The following AGO2 variants were observed in gnomAD, a reference collection of about 807,000 sequenced individuals.
AGO2 encodes argonaute RISC catalytic component 2, also known as protein argonaute-2.
In AGO2, 5 loss-of-function variants were observed where a neutral mutation model predicts 102.3. The observed-to-expected ratio is 0.05, with a 90% CI of 0.03 to 0.10. AGO2 has a LOEUF of 0.10. Among genes scored for constraint, AGO2 ranks in the 10% least tolerant of loss-of-function variants. AGO2 has a pLI of 1.00. For synonymous variants in AGO2, 449 were observed against 473.1 expected (o/e 0.95, Z 0.66); for missense variants, 541 against 1,183.7 (o/e 0.46, Z 7.97).
In AGO2 at chr8:140,583,979, A is replaced by T. The variant is rs553992283; in HGVS notation, c.215+1140T>A. Among the ~76,000 whole-genome samples, 15 of 152,320 alleles carry T rather than the reference A, an allele frequency of 9.8e-5. No individual in the cohort carries two copies. In the South Asian group the frequency reaches 3.1e-3, roughly 32 times the overall value. ...TACAATCTTTTGGGACCACGGTGGTATATGTGTCTGTCACTGGCCAAACGT... is the reference window on the plus strand; with the variant it reads ...TACAATCTTTTGGGACCACGGTGGTTTATGTGTCTGTCACTGGCCAAACGT... On this transcript the variant is annotated intron_variant, in intron 2 of 18. Coordinates refer to ENST00000220592, the MANE Select transcript of AGO2 (RefSeq NM_012154.5).
At chr8:140,594,825 C>CTGTGTGTGTGTGTGTGTG (rs56012516) in intron 1 of AGO2, among the ~76,000 whole-genome samples, 11,919 of 145,872 alleles carry the variant, frequency 0.082, 527 homozygotes, top group Non-Finnish European at 0.11. Context: ...AAGAAAAAAA[C>CTGTGTGTGTGTGTGTGTG]TGTGTGTGTG....
Position 140,540,694 on chromosome 8 carries a change from C to T in AGO2, c.2034+470G>A, listed in dbSNP as rs562305805. 3.3e-5 allele frequency among the ~76,000 whole-genome samples: 5 copies of T among 152,312 alleles called. No homozygotes were observed. The highest frequency in any genetic ancestry group is 6.5e-5 in the Admixed American group (1 of 15,306). On this transcript the variant is annotated intron_variant, in intron 15 of 18. Transcript: ENST00000220592. This position sits in a 1 kb window ranked among gnomAD's most constrained non-coding sequence, Gnocchi z 5.0. ...CATCCAGACAGTGGCCGCGTCCTGG[C>T]GACCCTACCTTCAACAGAGCTGCCA...
At chr8:140,562,199 C>T (rs531479786) in intron 4 of AGO2, among the ~76,000 whole-genome samples, 21 of 152,330 alleles carry the variant, frequency 1.4e-4, no homozygotes, top group African/African-American at 4.8e-4. Flanking sequence ...GCGCGGAACA[C>T]GAAGGCACCA....
intron 1 of AGO2, among the ~76,000 whole-genome samples, chr8:140,601,470 C>A (rs2073932886): frequency 6.6e-6 from 1 of 152,196 alleles, no homozygotes; most frequent in East Asian, 1.9e-4. Flanking sequence ...CTGTTTCTGC[C>A]CCCCTGGTCT....
chr8:140,640,091 C>G (rs963466425), upstream of AGO2, among the ~76,000 whole-genome samples: 1 of 152,188 alleles, frequency 6.6e-6, no homozygotes, highest in African/African-American at 2.4e-5. Context: ...TCATTGCAGC[C>G]TTCGCCTCCT....
upstream of AGO2, among the ~76,000 whole-genome samples, chr8:140,640,612 C>T (rs186161699): frequency 4.3e-4 from 65 of 151,972 alleles, 2 homozygotes; most frequent in East Asian, 1.6e-3. Context: ...CTCCACCTCC[C>T]GGGTTCAAGC....
intron 3 of AGO2, among the ~76,000 whole-genome samples, chr8:140,568,975 C>T (rs1564092271): frequency 2.6e-5 from 4 of 152,198 alleles, no homozygotes; most frequent in Admixed American, 6.5e-5. Flanking sequence ...CTCCCTGCCG[C>T]ACACTGCCCA....
Position 140,539,323 on chromosome 8 carries a change from C to T in AGO2, c.2166G>A (p.Glu722=). ...CTGGAGTCATGCAGAAACTCACCCG[C>T]TCGTTCTTGTCAGTGCAGAAGAGCC... is the stretch of plus-strand genomic sequence containing the variant. The part of the protein sequence containing the change: ...HTRLFCTDKN[E]RVGKSGNIPA... Residue 722 remains glutamate, a synonymous_variant, in exon 16 of 19, where the codon GAG becomes GAA. Coordinates refer to ENST00000220592, the MANE Select transcript of AGO2 (RefSeq NM_012154.5). This position sits in a 1 kb window ranked among gnomAD's most constrained non-coding sequence, Gnocchi z 4.7. 3.1e-6 allele frequency: 5 copies of T among 1,605,984 alleles called. No individual in the cohort carries two copies. Among genetic ancestry groups the T allele is most frequent in the Non-Finnish European group, 4.3e-6 (5 of 1,175,306 alleles).
At chr8:140,560,604 C>T in intron 4 of AGO2, 94 bp from the exon 5 acceptor site, 1 of 1,440,658 alleles carries the variant, frequency 6.9e-7, no homozygotes, top group Non-Finnish European at 9.4e-7. Flanking sequence ...CCCACCACAC[C>T]CTCATCAGAG....
chr8:140,595,779 A>C, intron 1 of AGO2, among the ~76,000 whole-genome samples: 1 of 82,734 alleles, frequency 1.2e-5, no homozygotes, highest in Non-Finnish European at 2.6e-5. Flanking sequence ...ATTATATACA[A>C]TTGTATATAC....
At chr8:140,548,565 C>T (rs2072942167) in intron 12 of AGO2, among the ~76,000 whole-genome samples, 1 of 152,166 alleles carries the variant, frequency 6.6e-6, no homozygotes, top group Non-Finnish European at 1.5e-5. Flanking sequence ...ACAGTGTTAG[C>T]AGGATGTCAA....
intron 17 of AGO2, among the ~76,000 whole-genome samples, chr8:140,533,842 C>T (rs1407536482): frequency 6.6e-6 from 1 of 151,998 alleles, no homozygotes; most frequent in Admixed American, 6.6e-5. Context: ...TACACATTAG[C>T]AGTAACATTG....
At position 140,560,468 on chromosome 8, in the gene AGO2, G is replaced by A; in HGVS notation, c.561C>T (p.Gly187=). The A allele has an allele frequency of 6.2e-7, 1 of 1,614,234 alleles. No individual in the cohort carries two copies. Among genetic ancestry groups the A allele is most frequent in the South Asian group, 1.1e-5 (1 of 91,084 alleles). ...GGCCCCCGCCAAGAGGGTTAGAGCA[G>A]CCTTCGGACGCGGTGAAGAAGGAGC... is the stretch of plus-strand genomic sequence containing the variant. ...VGRSFFTASE[G]CSNPLGGGRE... The change falls in exon 5 of 19, where the codon GGC becomes GGT. Residue 187 remains glycine, a synonymous_variant. Coordinates refer to ENST00000220592, the MANE Select transcript of AGO2 (RefSeq NM_012154.5).
rs767227175 is a variant in AGO2 at position 140,560,480 on chromosome 8, G to A, written c.549C>T (p.Thr183=). 12 of 1,614,056 alleles carry A rather than the reference G, an allele frequency of 7.4e-6. No homozygotes were observed. The highest frequency in any genetic ancestry group is 4.5e-5 in the East Asian group (2 of 44,892). The change falls in exon 5 of 19, where the codon ACC becomes ACT. Residue 183 remains threonine (T), a synonymous_variant. Transcript: ENST00000220592. ...RYTPVGRSFF[T]ASEGCSNPLG... Reference sequence around the variant, plus strand: ...GAGGGTTAGAGCAGCCTTCGGACGCGGTGAAGAAGGAGCGGCCCACGGGGG... The same window carrying A: ...GAGGGTTAGAGCAGCCTTCGGACGCAGTGAAGAAGGAGCGGCCCACGGGGG...
intron 16 of AGO2, among the ~76,000 whole-genome samples, chr8:140,536,376 G>C (rs1270751153): frequency 1.3e-5 from 2 of 150,504 alleles, no homozygotes; most frequent in African/African-American, 2.5e-5. Flanking sequence ...ACCCAGGCTG[G>C]AGCACAATGG....
intron 18 of AGO2, 126 bp downstream of exon 18, chr8:140,532,290 A>G (rs2072612164): frequency 7.2e-7 from 1 of 1,396,248 alleles, no homozygotes; most frequent in African/African-American, 1.4e-5. Context: ...CGTGCCATTA[A>G]CAGGCCTTCT....
chr8:140,552,917 A>G (rs752133033), intron 10 of AGO2, among the ~76,000 whole-genome samples: 3 of 152,170 alleles, frequency 2.0e-5, no homozygotes, highest in Non-Finnish European at 4.4e-5. Flanking sequence ...AGACACTGCC[A>G]GATGTCCCCT....
chr8:140,590,669 A>C (rs1328517558), intron 1 of AGO2, among the ~76,000 whole-genome samples: 1 of 152,170 alleles, frequency 6.6e-6, no homozygotes, highest in Non-Finnish European at 1.5e-5. Flanking sequence ...ATCAGGAAGG[A>C]AGAGTGCACC....
At chr8:140,609,611 C>A (rs934924064) in intron 1 of AGO2, among the ~76,000 whole-genome samples, 1 of 152,264 alleles carries the variant, frequency 6.6e-6, no homozygotes, top group African/African-American at 2.4e-5. Flanking sequence ...ACACCCTGCA[C>A]TTCCTCCTGA....
Sources: allele counts gnomAD v4.1 joint callset (sites outside exome capture counted in the v4.1 genomes callset), GRCh38; gene constraint gnomAD v4.1.1; non-coding constraint Gnocchi (gnomAD v3.1); transcripts MANE v1.5; gene names NCBI Gene and HGNC (gene_info 2026-07-23, HGNC 2026-07-21).